PHEX: variants seen among roughly 807,000 people sequenced by gnomAD.
PHEX encodes phosphate-regulating neutral endopeptidase PHEX.
PHEX carries 16 observed loss-of-function variants against 68.0 expected under a neutral mutation model. The observed-to-expected ratio is 0.24, with a 90% CI of 0.16 to 0.36. The LOEUF is 0.36. Ranked by LOEUF, PHEX falls within the 10% of genes least tolerant of loss-of-function variation. The pLI is 1.00. For synonymous variants in PHEX, 208 were observed against 205.1 expected, an observed-to-expected ratio of 1.01 and a Z score of -0.12; for missense variants, 480 against 575.5, an observed-to-expected ratio of 0.83 and a Z score of 1.70.
At chrX:22,041,302 T>TATATATATATATATATA (rs1569367522) in intron 2 of PHEX, among the ~76,000 whole-genome samples, 2 of 97,683 alleles carry the variant, frequency 2.0e-5, no homozygotes, top group African/African-American at 7.8e-5. Context: ...TATATATATA[T>TATATATATATATATATA]TTTAACCAGG....
intron 12 of PHEX, among the ~76,000 whole-genome samples, chrX:22,151,654 T>A (rs1231529301): frequency 8.9e-6 from 1 of 111,856 alleles, no homozygotes; most frequent in East Asian, 2.8e-4. Flanking sequence ...TCTCTGCTGG[T>A]AAAATCTAAT....
At chrX:22,224,986 T>TGTATGAGTTATTATCATCAAGCG (rs1260080448) in intron 18 of PHEX, among the ~76,000 whole-genome samples, 1 of 43,507 alleles carries the variant, frequency 2.3e-5, no homozygotes, top group Non-Finnish European at 4.6e-5. Context: ...ATCATACAGC[T>TGTATGAGTTATTATCATCAAGCG]CTGTATGTCA....
chrX:22,247,788 T>G (rs984207393), intron 21 of PHEX, 63 bp from the exon 22 acceptor site: 10 of 807,885 alleles, frequency 1.2e-5, no homozygotes, highest in Non-Finnish European at 1.9e-5. Context: ...TGCTACAGTT[T>G]TATACAGAAC....
chrX:22,176,399 AAAAATAT>A (rs1254857379), intron 13 of PHEX, among the ~76,000 whole-genome samples: 66 of 64,800 alleles, frequency 1.0e-3, no homozygotes, highest in South Asian at 3.8e-3. Flanking sequence ...AAAAAAAAAA[AAAAATAT>A]ATATATATAT....
At chrX:22,054,754 T>G (rs769329315) in intron 3 of PHEX, among the ~76,000 whole-genome samples, 1 of 111,601 alleles carries the variant, frequency 9.0e-6, no homozygotes, top group South Asian at 3.7e-4. Flanking sequence ...TGAAGACTTT[T>G]GGAATGTGAG....
chrX:22,073,207 A>G (rs753901086), intron 3 of PHEX, among the ~76,000 whole-genome samples: 9 of 112,730 alleles, frequency 8.0e-5, no homozygotes, highest in Non-Finnish European at 1.7e-4. Flanking sequence ...TGATTACTTG[A>G]CAGTTTTGTA....
intron 14 of PHEX, among the ~76,000 whole-genome samples, chrX:22,186,550 C>A (rs1251500489): frequency 8.9e-6 from 1 of 112,478 alleles, no homozygotes; most frequent in Non-Finnish European, 1.9e-5. Flanking sequence ...AAATGTTTAA[C>A]AGCTGGTTTG....
At chrX:22,146,924 G>A (rs1421006508) in intron 12 of PHEX, among the ~76,000 whole-genome samples, 1 of 111,894 alleles carries the variant, frequency 8.9e-6, no homozygotes, top group African/African-American at 3.2e-5. Context: ...TCAACAGGTA[G>A]TGATAGTTTA....
intron 3 of PHEX, among the ~76,000 whole-genome samples, chrX:22,072,385 T>C (rs1263351860): frequency 9.0e-6 from 1 of 111,052 alleles, no homozygotes; most frequent in African/African-American, 3.3e-5. Context: ...CACTCCAGCC[T>C]GGGCGGTAGA....
At chrX:22,188,708 G>A (rs1295803500) in intron 14 of PHEX, among the ~76,000 whole-genome samples, 1 of 111,924 alleles carries the variant, frequency 8.9e-6, no homozygotes, top group African/African-American at 3.2e-5. Context: ...ATCACATCAT[G>A]GAAAATGGGA....
chrX:22,075,402 C>T (rs2147018029), intron 3 of PHEX, among the ~76,000 whole-genome samples: 1 of 106,477 alleles, frequency 9.4e-6, no homozygotes, highest in Admixed American at 1.1e-4. Flanking sequence ...TGTCTTGAAG[C>T]TATTCAGAGT....
At chrX:22,205,684 AATT>A (rs67311437) in intron 15 of PHEX, among the ~76,000 whole-genome samples, 30,105 of 107,812 alleles carry the variant, frequency 0.28, 3,487 homozygotes, top group African/African-American at 0.4. Context: ...ATTAATATTA[AATT>A]ATTATTATTA....
chrX:22,163,343 C>G (rs770173445), intron 12 of PHEX: 7 of 111,294 alleles, frequency 6.3e-5, no homozygotes, highest in Non-Finnish European at 1.3e-4. Flanking sequence ...GTTGTTGAGT[C>G]CATTGTCATC....
intron 20 of PHEX, among the ~76,000 whole-genome samples, chrX:22,241,992 C>G (rs2147208941): frequency 9.0e-6 from 1 of 111,729 alleles, no homozygotes; most frequent in Non-Finnish European, 1.9e-5. Context: ...AATTTTAGAC[C>G]AATATCCCTG....
chrX:22,205,847 G>A (rs1175078934), intron 15 of PHEX, among the ~76,000 whole-genome samples: 1 of 111,905 alleles, frequency 8.9e-6, no homozygotes, highest in African/African-American at 3.2e-5. Flanking sequence ...TGAATGTAGG[G>A]AAAATGGATT....
intron 20 of PHEX, among the ~76,000 whole-genome samples, chrX:22,240,633 C>T (rs181536757): frequency 3.5e-4 from 34 of 96,388 alleles, no homozygotes; most frequent in African/African-American, 1.3e-3. Flanking sequence ...AGACTTTAAT[C>T]CAACAAAGAT....
intron 11 of PHEX, among the ~76,000 whole-genome samples, chrX:22,124,067 G>A (rs143512034): frequency 3.6e-5 from 4 of 110,041 alleles, no homozygotes; most frequent in South Asian, 7.8e-4. Flanking sequence ...TCCTGACCTC[G>A]TGATCTGCCC....
rs777760589 is a variant in PHEX, at chrX:22,190,511, G to C, written c.1645+9G>C. 1 of 1,145,095 alleles carries C rather than the reference G, an allele frequency of 8.7e-7. No homozygotes were observed. The highest frequency in any genetic ancestry group is 1.2e-6 in the Non-Finnish European group (1 of 834,630). 94.4% of individuals were successfully genotyped at this position (1,145,095 alleles called of 1,213,427 possible). ...ATCCACCAACCAGATCCGTGAGTAC[G>C]GGTTCCTTGTCTCCTTGGTAACCTG... On this transcript the variant is annotated intron_variant, in intron 15 of 21. Coordinates refer to ENST00000379374, the MANE Select transcript of PHEX (RefSeq NM_000444.6).
At position 22,099,068 on chromosome X, in the gene PHEX, C is replaced by T. The variant is rs139749399; in HGVS notation, c.996C>T (p.Asp332=). The T allele has an allele frequency of 5.9e-5, 71 of 1,205,220 alleles. No homozygotes were observed. The African/African-American group carries it at 1.2e-3, about 20-fold the overall frequency. ...CCAGACTCTACCCCCATCTGAAAGA[C>T]ATCAGCCCCTCCGAGAATGTGGTGG... ...IDTRLYPHLK[D]ISPSENVVVR... is the part of the protein sequence containing the mutation. Residue 332 remains aspartate, a synonymous_variant, in exon 9 of 22, where the codon GAC becomes GAT. Transcript: ENST00000379374.
Sources: gnomAD v4.1 joint callset for allele counts (sites outside exome capture counted in the v4.1 genomes callset) on GRCh38, gnomAD v4.1.1 for gene constraint, MANE v1.5 for transcripts, NCBI Gene and HGNC (gene_info 2026-07-23, HGNC 2026-07-21) for gene names.